SLC23A2: variants seen among roughly 807,000 people sequenced by gnomAD.
The protein encoded by SLC23A2 is solute carrier family 23 member 2, also known as Na(+)/L-ascorbic acid transporter 2.
SLC23A2 carries 36 observed loss-of-function variants against 73.3 expected under a neutral mutation model. The ratio of observed to expected loss-of-function variants is 0.49; its 90% CI spans 0.38 to 0.65. The LOEUF (loss-of-function observed/expected upper bound fraction) is 0.65, where lower values mean the gene tolerates loss of function less well. Among genes scored for constraint, SLC23A2 ranks in the 30% least tolerant of loss-of-function variants. The pLI is 0.00. For synonymous variants in SLC23A2, 343 were observed against 327.3 expected (o/e 1.05, Z -0.52); for missense variants, 507 against 841.6 (o/e 0.60, Z 4.92).
chr20:4,938,555 G>A lies in SLC23A2; in HGVS notation c.-154-5839C>T, dbSNP rs143244990. 5.2e-3 allele frequency among the ~76,000 whole-genome samples: 785 copies of A among 152,088 alleles called. 6 individuals are homozygous for A. The highest frequency in any genetic ancestry group is 0.051 in the Middle Eastern group (15 of 294). The stretch of plus-strand genomic sequence containing the variant: ...CCAGTCAGGCTGGTCTCGAACTCCC[G>A]ACCTCAGGTGATCCGCCCACCTTGG... On this transcript the variant is annotated intron_variant, in intron 2 of 16. Coordinates refer to ENST00000338244, the MANE Select transcript of SLC23A2 (RefSeq NM_005116.6).
intron 16 of SLC23A2, among the ~76,000 whole-genome samples, chr20:4,858,318 T>C (rs932539482): frequency 1.3e-5 from 2 of 152,192 alleles, no homozygotes; most frequent in Admixed American, 1.3e-4. Context: ...ATGACTTTTT[T>C]TTATATCTAA....
chr20:4,911,252 C>A (rs1327848004), intron 4 of SLC23A2, among the ~76,000 whole-genome samples: 1 of 152,176 alleles, frequency 6.6e-6, no homozygotes, highest in Admixed American at 6.5e-5. Flanking sequence ...GAACCCCGCA[C>A]TTCTGGAATT....
At chr20:4,895,583 A>G (rs1480936157) in intron 6 of SLC23A2, among the ~76,000 whole-genome samples, 1 of 152,230 alleles carries the variant, frequency 6.6e-6, no homozygotes, top group Non-Finnish European at 1.5e-5. Flanking sequence ...AGGACACCTG[A>G]GGGAGAAGCC....
intron 16 of SLC23A2, 33 bp downstream of exon 16, chr20:4,859,256 A>T (rs1929863290): frequency 2.2e-6 from 3 of 1,348,476 alleles, no homozygotes; most frequent in Non-Finnish European, 3.1e-6. Context: ...AAAAATAAAA[A>T]AAAAAAAAGT....
chr20:4,881,802 C>T (rs1930895256), intron 9 of SLC23A2, among the ~76,000 whole-genome samples: 1 of 152,134 alleles, frequency 6.6e-6, no homozygotes, highest in African/African-American at 2.4e-5. Flanking sequence ...GTGACTGGTG[C>T]TGTTCTTGCC....
intron 1 of SLC23A2, among the ~76,000 whole-genome samples, chr20:4,986,066 A>T (rs2087820939): frequency 1.3e-5 from 2 of 152,178 alleles, no homozygotes; most frequent in African/African-American, 4.8e-5. Context: ...ATGAATAATT[A>T]ACCTTTCTAA....
At chr20:4,959,083 G>GTA (rs1328542039) in intron 2 of SLC23A2, among the ~76,000 whole-genome samples, 1 of 151,944 alleles carries the variant, frequency 6.6e-6, no homozygotes, top group Non-Finnish European at 1.5e-5. Context: ...GCTGGGCATG[G>GTA]TAGCACATGC....
In SLC23A2 at chr20:4,857,237, G is replaced by T; in HGVS notation, c.1721-33C>A. On this transcript the variant is annotated intron_variant, in intron 16 of 16. Transcript: ENST00000338244. This position sits in a 1 kb window ranked among gnomAD's most constrained non-coding sequence, Gnocchi z 4.0. ...ACATCCCAAGATAGAACAAAGGAAT[G>T]CTTCGTTTAGCAGCTCTACTGAAAA... is the stretch of plus-strand genomic sequence containing the variant. 1 of 1,243,728 alleles carries T rather than the reference G, an allele frequency of 8.0e-7. No homozygotes were observed. The highest frequency in any genetic ancestry group is 1.1e-6 in the Non-Finnish European group (1 of 878,666). The allele number at this position is 1,243,728 out of a possible 1,614,324, so 77.0% of individuals were successfully genotyped here.
chr20:4,938,233 G>C (rs1435548582), intron 2 of SLC23A2, among the ~76,000 whole-genome samples: 1 of 151,718 alleles, frequency 6.6e-6, no homozygotes, highest in South Asian at 2.1e-4. Context: ...TGCCCAGGGT[G>C]GTCTTGAGCT....
At chr20:4,986,645 CACAT>C (rs1235448003) in intron 1 of SLC23A2, among the ~76,000 whole-genome samples, 2 of 123,594 alleles carry the variant, frequency 1.6e-5, no homozygotes, top group Non-Finnish European at 3.2e-5. Context: ...CATACATACA[CACAT>C]ACACACACAC....
chr20:4,937,349 C>A (rs2086976006), intron 2 of SLC23A2, among the ~76,000 whole-genome samples: 1 of 152,022 alleles, frequency 6.6e-6, no homozygotes, highest in Non-Finnish European at 1.5e-5. Flanking sequence ...CTTTTCCTAC[C>A]CTTTGCAAAA....
At chr20:4,986,561 AC>A (rs528799540) in intron 1 of SLC23A2, among the ~76,000 whole-genome samples, 263 of 151,016 alleles carry the variant, frequency 1.7e-3, no homozygotes, top group Non-Finnish European at 3.1e-3. Flanking sequence ...TGCTCAATCC[AC>A]CTCAGCCTCC....
intron 15 of SLC23A2, 140 bp from the exon 16 acceptor site, chr20:4,859,524 A>G (rs928082611): frequency 1.5e-6 from 1 of 661,506 alleles, no homozygotes; most frequent in Non-Finnish European, 2.8e-6. Context: ...AGTTGTGCAC[A>G]TGTAGATGAA....
At chr20:5,001,918 G>A (rs1253251091), upstream of SLC23A2, among the ~76,000 whole-genome samples, 2 of 152,034 alleles carry the variant, frequency 1.3e-5, no homozygotes, top group East Asian at 3.9e-4. Context: ...TGGGTTGGAT[G>A]TTTTAAAACA....
chr20:4,855,248 G>A lies in SLC23A2; in HGVS notation c.*1724C>T, dbSNP rs1352158612. ...GTGACATGGCAATGCTGCAAAGACAGCGCCGCAGCACTGGAGAGCTGAGCC... is the reference window on the plus strand; with the variant it reads ...GTGACATGGCAATGCTGCAAAGACAACGCCGCAGCACTGGAGAGCTGAGCC... On this transcript the variant is annotated 3_prime_UTR_variant, in exon 17 of 17. Coordinates refer to ENST00000338244, the MANE Select transcript of SLC23A2 (RefSeq NM_005116.6). The A allele has an allele frequency of 6.6e-6, 1 of 152,338 alleles. No homozygotes were observed. The highest frequency in any genetic ancestry group is 2.4e-5 in the African/African-American group (1 of 41,442). 9.4% of individuals were successfully genotyped at this position (152,338 alleles called of 1,614,324 possible).
intron 15 of SLC23A2, 142 bp from the exon 16 acceptor site, chr20:4,859,526 G>T: frequency 1.5e-6 from 1 of 660,762 alleles, no homozygotes; most frequent in Non-Finnish European, 2.8e-6. Context: ...TTGTGCACAT[G>T]TAGATGAATT....
upstream of SLC23A2, among the ~76,000 whole-genome samples, chr20:5,006,330 C>CTCT (rs1373659625): frequency 2.6e-5 from 4 of 151,774 alleles, no homozygotes; most frequent in South Asian, 2.1e-4. Context: ...AACTCCTGAC[C>CTCT]TCTTGATCCA....
At chr20:4,954,722 A>T (rs111561846) in intron 2 of SLC23A2, among the ~76,000 whole-genome samples, 3,134 of 150,660 alleles carry the variant, frequency 0.021, 130 homozygotes, top group African/African-American at 0.073. Context: ...AAAAAGAAAG[A>T]AAGAAAGAAA....
intron 2 of SLC23A2, 48 bp from the exon 3 acceptor site, chr20:4,932,764 A>G: frequency 1.8e-6 from 1 of 552,488 alleles, no homozygotes; most frequent in Non-Finnish European, 3.2e-6. Context: ...TGAAAACAAC[A>G]CAGGCCATGC....
Sources: allele counts gnomAD v4.1 joint callset (sites outside exome capture counted in the v4.1 genomes callset), GRCh38; gene constraint gnomAD v4.1.1; non-coding constraint Gnocchi (gnomAD v3.1); transcripts MANE v1.5; gene names NCBI Gene and HGNC (gene_info 2026-07-23, HGNC 2026-07-21).